Variants in EPHB1 observed in about 807,000 individuals in gnomAD.
The protein encoded by EPHB1 is EPH receptor B1, also known as ephrin type-B receptor 1.
In EPHB1, 30 loss-of-function variants were observed where a neutral mutation model predicts 94.4. That is an observed-to-expected ratio of 0.32 (90% CI 0.24 to 0.43). EPHB1 has a LOEUF of 0.43. Ranked by LOEUF, EPHB1 falls within the 20% of genes least tolerant of loss-of-function variation. EPHB1 has a pLI of 1.00. For missense variants in EPHB1, 1,055 were observed against 1,308.3 expected (o/e 0.81, Z 2.99); for synonymous variants, 522 against 489.1 (o/e 1.07, Z -0.89).
intron 1 of EPHB1, among the ~76,000 whole-genome samples, chr3:134,815,615 G>T (rs1259906301): frequency 6.6e-6 from 1 of 152,242 alleles, no homozygotes; most frequent in Non-Finnish European, 1.5e-5. Flanking sequence ...AAAACAGTGC[G>T]CCTTGTTTCA....
At chr3:135,192,073 T>C (rs571140375) in intron 10 of EPHB1, among the ~76,000 whole-genome samples, 1 of 152,232 alleles carries the variant, frequency 6.6e-6, no homozygotes, top group African/African-American at 2.4e-5. Context: ...AACTCCTCAG[T>C]GTCTGTTTTC....
At chr3:134,881,739 C>G (rs1469671691) in intron 1 of EPHB1, among the ~76,000 whole-genome samples, 2 of 152,212 alleles carry the variant, frequency 1.3e-5, no homozygotes, top group Non-Finnish European at 2.9e-5. Flanking sequence ...GGAAGAACCT[C>G]TTAGACTACA....
chr3:135,230,327 A>T (rs1361987928), intron 12 of EPHB1, among the ~76,000 whole-genome samples: 1 of 152,050 alleles, frequency 6.6e-6, no homozygotes, highest in Non-Finnish European at 1.5e-5. Context: ...GCAGCAGGGC[A>T]AGTCCAGCCC....
At chr3:134,906,222 G>T (rs185715448) in intron 1 of EPHB1, among the ~76,000 whole-genome samples, 163 of 152,222 alleles carry the variant, frequency 1.1e-3, no homozygotes, top group Non-Finnish European at 4.9e-4. Context: ...TTTGAATTTT[G>T]TTGAAACCAT....
intron 2 of EPHB1, among the ~76,000 whole-genome samples, chr3:134,928,737 G>T (rs1159190289): frequency 6.6e-6 from 1 of 152,180 alleles, no homozygotes; most frequent in East Asian, 1.9e-4. Context: ...CATGGCTGCA[G>T]TTTCCCAGGG....
intron 6 of EPHB1, among the ~76,000 whole-genome samples, chr3:135,154,726 G>A (rs954745515): frequency 3.3e-5 from 5 of 151,940 alleles, no homozygotes; most frequent in African/African-American, 1.2e-4. Flanking sequence ...TATTTGTGGA[G>A]GATAAAAAAA....
intron 3 of EPHB1, among the ~76,000 whole-genome samples, chr3:135,065,185 G>T (rs530987561): frequency 1.3e-5 from 2 of 152,206 alleles, no homozygotes; most frequent in South Asian, 4.2e-4. Context: ...TGCAGTTGTT[G>T]GATGGAATCT....
In EPHB1 at chr3:134,897,306, T is replaced by C. The variant is rs114018456; in HGVS notation, c.59-28510T>C. Among the ~76,000 whole-genome samples the C allele has an allele frequency of 9.9e-3, 1,502 of 151,700 alleles. 35 individuals carry two copies. Among genetic ancestry groups the C allele is most frequent in the African/African-American group, 0.034 (1,424 of 41,346 alleles). On this transcript the variant is annotated intron_variant, in intron 1 of 15. Transcript: ENST00000398015. ...CTAATCCTCTGGACTCAGACCTGAG[T>C]CTCCTGGCAATGTCATTCTTGGGTC...
intron 1 of EPHB1, among the ~76,000 whole-genome samples, chr3:134,833,334 G>A (rs1468856816): frequency 2.0e-5 from 3 of 152,212 alleles, no homozygotes; most frequent in Non-Finnish European, 2.9e-5. Context: ...AGAGTGTGCT[G>A]GATGAACTCA....
chr3:134,833,938 G>A (rs62272427), intron 1 of EPHB1, among the ~76,000 whole-genome samples: 17,823 of 152,206 alleles, frequency 0.12, 1,182 homozygotes, highest in South Asian at 0.31. Context: ...CCCCCAGAGC[G>A]TGATAAGAGG....
intron 5 of EPHB1, among the ~76,000 whole-genome samples, chr3:135,149,656 G>A (rs1274910831): frequency 2.0e-5 from 3 of 152,228 alleles, no homozygotes; most frequent in East Asian, 1.9e-4. Flanking sequence ...TAAGCTGCCC[G>A]TGATTTTCAG....
intron 1 of EPHB1, among the ~76,000 whole-genome samples, chr3:134,870,293 C>A (rs1293098602): frequency 1.3e-5 from 2 of 152,046 alleles, no homozygotes; most frequent in East Asian, 3.9e-4. Context: ...ACACCCCGGG[C>A]AGAGTTCATA....
intron 5 of EPHB1, among the ~76,000 whole-genome samples, chr3:135,151,152 C>T (rs912594499): frequency 1.3e-5 from 2 of 152,168 alleles, no homozygotes; most frequent in African/African-American, 2.4e-5. Context: ...TTACATGGCC[C>T]CTGCATTCTA....
chr3:134,844,429 C>G (rs2036831880), intron 1 of EPHB1, among the ~76,000 whole-genome samples: 1 of 152,212 alleles, frequency 6.6e-6, no homozygotes, highest in Non-Finnish European at 1.5e-5. Context: ...GTTGGCTCCT[C>G]TCTGGACTTA....
At chr3:134,890,325 G>A (rs1366540590) in intron 1 of EPHB1, among the ~76,000 whole-genome samples, 1 of 152,140 alleles carries the variant, frequency 6.6e-6, no homozygotes, top group Non-Finnish European at 1.5e-5. Context: ...TAATATGTTT[G>A]AGAGATCCAT....
chr3:134,811,242 GTTTTTTTTT>G (rs397966930), intron 1 of EPHB1, among the ~76,000 whole-genome samples: 6 of 73,850 alleles, frequency 8.1e-5, no homozygotes, highest in Non-Finnish European at 1.4e-4. Flanking sequence ...TACTAAGAAG[GTTTTTTTTT>G]TTTTTTTTTT....
rs537843202 is a variant in EPHB1 at position 135,169,292 on chromosome 3, G to A, written c.1759+2286G>A. Among the ~76,000 whole-genome samples the A allele has an allele frequency of 3.0e-4, 45 of 152,300 alleles. 1 individual carries two copies. Among genetic ancestry groups the A allele is most frequent in the Non-Finnish European group, 5.6e-4 (38 of 68,030 alleles). ...AACATTGTTGGCCAGCTACATAGTCGCCATTCCTGGGACTCAGGATGGATG... is the reference window on the plus strand; with the variant it reads ...AACATTGTTGGCCAGCTACATAGTCACCATTCCTGGGACTCAGGATGGATG... On this transcript the variant is annotated intron_variant, in intron 9 of 15. Transcript: ENST00000398015.
At chr3:135,215,153 C>T (rs28615859) in intron 12 of EPHB1, among the ~76,000 whole-genome samples, 36 of 151,770 alleles carry the variant, frequency 2.4e-4, no homozygotes, top group Non-Finnish European at 4.4e-5. Flanking sequence ...GTACAGTTTT[C>T]TTTTTTTCTT....
At chr3:135,078,480 G>C (rs756328450) in intron 3 of EPHB1, among the ~76,000 whole-genome samples, 2 of 152,330 alleles carry the variant, frequency 1.3e-5, no homozygotes, top group Middle Eastern at 3.4e-3. Context: ...TGGGCCAGCA[G>C]GTCTGTCCAC....
Sources: allele counts gnomAD v4.1 joint callset (sites outside exome capture counted in the v4.1 genomes callset), GRCh38; gene constraint gnomAD v4.1.1; transcripts MANE v1.5; gene names NCBI Gene and HGNC (gene_info 2026-07-23, HGNC 2026-07-21).